NELL1: variants seen among roughly 807,000 people sequenced by gnomAD.
NELL1 encodes protein kinase C-binding protein NELL1.
NELL1 carries 76 observed loss-of-function variants against 107.4 expected under a neutral mutation model. The ratio of observed to expected loss-of-function variants is 0.71; its 90% CI spans 0.59 to 0.86. The LOEUF is 0.86. Ranked by LOEUF, NELL1 falls within the 40% of genes least tolerant of loss-of-function variation. The pLI, the probability that NELL1 is intolerant of heterozygous loss-of-function variation, is 0.00. For missense variants in NELL1, 1,024 were observed against 1,005.5 expected (o/e 1.02, Z -0.25); for synonymous variants, 353 against 341.2 (o/e 1.03, Z -0.38).
chr11:20,962,672 A>G (rs1163558141), intron 12 of NELL1, among the ~76,000 whole-genome samples: 4 of 152,214 alleles, frequency 2.6e-5, no homozygotes, highest in Non-Finnish European at 1.5e-5. Context: ...TTTCTCTATG[A>G]GGCCTTATTT....
intron 2 of NELL1, among the ~76,000 whole-genome samples, chr11:20,694,037 C>T (rs932091919): frequency 2.6e-5 from 4 of 152,102 alleles, no homozygotes; most frequent in Admixed American, 1.3e-4. Context: ...TCATTCGTTT[C>T]ATCTTCCATC....
intron 12 of NELL1, among the ~76,000 whole-genome samples, chr11:21,018,464 C>A (rs1301921188): frequency 6.6e-6 from 1 of 152,012 alleles, no homozygotes; most frequent in Non-Finnish European, 1.5e-5. Flanking sequence ...TGACTGGGAA[C>A]AAACTTACTG....
chr11:21,506,023 A>G (rs1428323858), intron 15 of NELL1, among the ~76,000 whole-genome samples: 2 of 152,342 alleles, frequency 1.3e-5, no homozygotes, highest in East Asian at 3.9e-4. Flanking sequence ...TCATAATATG[A>G]TACCCTAATG....
chr11:20,716,353 A>G (rs568498138), intron 2 of NELL1, among the ~76,000 whole-genome samples: 1 of 152,378 alleles, frequency 6.6e-6, no homozygotes, highest in East Asian at 1.9e-4. Context: ...AAAAATACAC[A>G]CAAGCACAAA....
chr11:21,148,958 G>A (rs1013073257), intron 13 of NELL1, among the ~76,000 whole-genome samples: 2 of 152,144 alleles, frequency 1.3e-5, no homozygotes, highest in African/African-American at 4.8e-5. Flanking sequence ...ATTGGGTTTT[G>A]CTAGGGTTTT....
intron 14 of NELL1, among the ~76,000 whole-genome samples, chr11:21,340,710 G>A (rs1174382008): frequency 6.6e-6 from 1 of 151,466 alleles, no homozygotes; most frequent in African/African-American, 2.4e-5. Flanking sequence ...TGAAGATGAA[G>A]GCAAATATTG....
intron 3 of NELL1, among the ~76,000 whole-genome samples, chr11:20,836,253 A>G (rs1435368760): frequency 6.7e-6 from 1 of 149,896 alleles, no homozygotes; most frequent in Non-Finnish European, 1.5e-5. Context: ...TTACACACCA[A>G]TTAGAATGGG....
intron 2 of NELL1, among the ~76,000 whole-genome samples, chr11:20,707,692 C>T (rs1208225678): frequency 1.3e-5 from 2 of 152,188 alleles, no homozygotes; most frequent in Non-Finnish European, 2.9e-5. Context: ...GCAAGTATTG[C>T]AGAACGGCAG....
At chr11:20,729,811 T>A (rs1245709370) in intron 2 of NELL1, among the ~76,000 whole-genome samples, 1 of 152,094 alleles carries the variant, frequency 6.6e-6, no homozygotes, top group Non-Finnish European at 1.5e-5. Flanking sequence ...GACTTTATGC[T>A]CTCTTCTGCT....
intron 4 of NELL1, among the ~76,000 whole-genome samples, chr11:20,857,361 C>A (rs555197292): frequency 1.3e-5 from 2 of 152,358 alleles, no homozygotes; most frequent in Admixed American, 1.3e-4. Context: ...TCCCCTCGAA[C>A]CTCAGCATGG....
In NELL1 at chr11:21,113,602, T is replaced by C. The variant is rs1855157107; in HGVS notation, c.1314T>C (p.Cys438=). 6.2e-7 allele frequency: 1 copy of C among 1,611,796 alleles called. No homozygotes were observed. Among genetic ancestry groups the C allele is most frequent in the African/African-American group, 1.3e-5 (1 of 74,902 alleles). Residue 438 remains cysteine (C), a synonymous_variant, in exon 13 of 20, where the codon TGT becomes TGC. Transcript: ENST00000357134. ...TTTTTCCTTCAGATATTGATGAGTGTGCAGCTAAGATGCATTACTGTCATG... is the reference window on the plus strand; with the variant it reads ...TTTTTCCTTCAGATATTGATGAGTGCGCAGCTAAGATGCATTACTGTCATG... ...DSAYCEDIDE[C]AAKMHYCHAN...
intron 2 of NELL1, among the ~76,000 whole-genome samples, chr11:20,761,660 A>T (rs1255122549): frequency 6.6e-6 from 1 of 152,206 alleles, no homozygotes; most frequent in Non-Finnish European, 1.5e-5. Context: ...TTAGCGAAGG[A>T]ATGACTTTAA....
intron 12 of NELL1, among the ~76,000 whole-genome samples, chr11:21,014,444 T>C (rs974016127): frequency 2.0e-5 from 3 of 152,150 alleles, no homozygotes; most frequent in Non-Finnish European, 4.4e-5. Context: ...AATGTACCAC[T>C]TTCTCAGCCC....
intron 9 of NELL1, among the ~76,000 whole-genome samples, chr11:20,932,959 G>T (rs547197533): frequency 1.3e-5 from 2 of 152,378 alleles, no homozygotes; most frequent in East Asian, 1.9e-4. Context: ...GCTGAGCGGG[G>T]TATTGACAAA....
chr11:21,484,377 T>C (rs1019549115), intron 15 of NELL1, among the ~76,000 whole-genome samples: 12 of 151,996 alleles, frequency 7.9e-5, no homozygotes, highest in Non-Finnish European at 1.6e-4. Context: ...TATACACTTT[T>C]ACAATAAAGG....
chr11:20,777,549 C>T (rs1856773813), intron 2 of NELL1, among the ~76,000 whole-genome samples: 2 of 152,302 alleles, frequency 1.3e-5, no homozygotes, highest in South Asian at 4.2e-4. Flanking sequence ...TCCCATCCTC[C>T]AAAACCAGAA....
intron 15 of NELL1, among the ~76,000 whole-genome samples, chr11:21,385,501 A>G (rs912170599): frequency 3.3e-5 from 5 of 151,584 alleles, no homozygotes; most frequent in Admixed American, 2.6e-4. Context: ...TTTCCATTCA[A>G]TCAATCACTA....
chr11:21,074,181 A>G (rs185869092), intron 12 of NELL1, among the ~76,000 whole-genome samples: 21 of 152,242 alleles, frequency 1.4e-4, no homozygotes, highest in African/African-American at 5.1e-4. Context: ...ATAAACTGGG[A>G]TTCTATTAAA....
intron 15 of NELL1, among the ~76,000 whole-genome samples, chr11:21,450,452 A>G (rs1360271356): frequency 2.0e-5 from 3 of 152,236 alleles, no homozygotes; most frequent in African/African-American, 7.2e-5. Context: ...AGCTGCAGCT[A>G]GAGTTGTGAT....
Sources: allele counts gnomAD v4.1 joint callset (sites outside exome capture counted in the v4.1 genomes callset), GRCh38; gene constraint gnomAD v4.1.1; transcripts MANE v1.5; gene names NCBI Gene and HGNC (gene_info 2026-07-23, HGNC 2026-07-21).